The following RASGRP2 variants were observed in gnomAD, a reference collection of about 807,000 sequenced individuals.
RASGRP2 encodes the protein RAS guanyl releasing protein 2, also known as RAS guanyl-releasing protein 2.
A neutral mutation model predicts 71.0 loss-of-function variants in RASGRP2; 44 were observed. That is an observed-to-expected ratio of 0.62 (90% CI 0.49 to 0.80). The LOEUF is 0.80. Among genes scored for constraint, RASGRP2 ranks in the 30% least tolerant of loss-of-function variants. The pLI is 0.00. For missense variants in RASGRP2, 663 were observed against 813.4 expected, an observed-to-expected ratio of 0.82 and a Z score of 2.25; for synonymous variants, 350 against 330.7, an observed-to-expected ratio of 1.06 and a Z score of -0.63.
chr11:64,744,411 C>A (rs550461088), upstream of RASGRP2: 2 of 670,196 alleles, frequency 3.0e-6, no homozygotes, highest in South Asian at 1.3e-4. Context: ...CAGAGCCGTC[C>A]CCGCCTGGCT....
Position 64,739,207 on chromosome 11 carries a change from C to T in RASGRP2, c.813+153G>A, listed in dbSNP as rs1018059368. Among the ~76,000 whole-genome samples, 1 of 152,154 alleles carries T rather than the reference C, an allele frequency of 6.6e-6. No homozygotes were observed. The highest frequency in any genetic ancestry group is 1.9e-4 in the East Asian group (1 of 5,184). ...CCTGTGAGCCCCCACTCTGCTGTTGCCATTGTGCAAACTGAGAAAAGCACT... is the reference window on the plus strand; with the variant it reads ...CCTGTGAGCCCCCACTCTGCTGTTGTCATTGTGCAAACTGAGAAAAGCACT... On this transcript the variant is annotated intron_variant, in intron 8 of 16. Coordinates refer to ENST00000394432, the MANE Select transcript of RASGRP2 (RefSeq NM_001098671.2). The surrounding 1 kb of genome is among the most constrained non-coding windows in gnomAD (Gnocchi z 4.2).
At chr11:64,737,595 C>T (rs1486275729) in intron 8 of RASGRP2, among the ~76,000 whole-genome samples, 3 of 150,340 alleles carry the variant, frequency 2.0e-5, no homozygotes, top group Middle Eastern at 3.2e-3. Flanking sequence ...TCGCTTGAAC[C>T]CGGGAGGCAG....
intron 15 of RASGRP2, among the ~76,000 whole-genome samples, chr11:64,728,490 C>T (rs2057646938): frequency 6.6e-6 from 1 of 151,578 alleles, no homozygotes; most frequent in Non-Finnish European, 1.5e-5. Flanking sequence ...TGCAGTGGCG[C>T]GATCTCGGCT....
intron 5 of RASGRP2, 137 bp from the exon 6 acceptor site, chr11:64,740,300 T>A: frequency 9.7e-7 from 1 of 1,030,596 alleles, no homozygotes; most frequent in Non-Finnish European, 1.5e-6. Context: ...ATGTTCCCAG[T>A]CCCAGCAACT....
Position 64,740,179 on chromosome 11 carries a change from T to C in RASGRP2, c.372-16A>G. On this transcript the variant is annotated splice_polypyrimidine_tract_variant and intron_variant, in intron 5 of 16. Coordinates refer to ENST00000394432, the MANE Select transcript of RASGRP2 (RefSeq NM_001098671.2). ...GTAGGTAGGGCTGGGGGGGCAGGGG[T>C]AGTGAGCCCTTTGCTGGACATGCGC... The C allele has an allele frequency of 6.2e-7, 1 of 1,613,658 alleles. No homozygotes were observed. The highest frequency in any genetic ancestry group is 8.5e-7 in the Non-Finnish European group (1 of 1,179,916).
rs1420944881 is a variant in RASGRP2, at chr11:64,744,009, C to T, written c.-78G>A. 1.8e-5 allele frequency: 18 copies of T among 987,180 alleles called. No individual in the cohort carries two copies. Among genetic ancestry groups the T allele is most frequent in the Non-Finnish European group, 2.0e-5 (17 of 830,446 alleles). The allele number at this position is 987,180 out of a possible 1,614,324, so 61.2% of individuals were successfully genotyped here. A position where few individuals can be genotyped will look rare whatever the true frequency, so the allele number is the denominator to read the frequency against. ...AACCCTCAGGCACACATACCCAGCT[C>T]GTCCACCCCAGAATGCAAACCCGCG... On this transcript the variant is annotated 5_prime_UTR_variant, in exon 1 of 17. Coordinates refer to ENST00000394432, the MANE Select transcript of RASGRP2 (RefSeq NM_001098671.2).
At chr11:64,729,234 C>T (rs2057678633) in intron 14 of RASGRP2, among the ~76,000 whole-genome samples, 192 bp from the exon 15 acceptor site, 1 of 152,192 alleles carries the variant, frequency 6.6e-6, no homozygotes, top group African/African-American at 2.4e-5. Context: ...TTCTCTGTTC[C>T]TGGGCAGCTG....
chr11:64,740,856 C>G (rs1159839553), intron 5 of RASGRP2, 92 bp downstream of exon 5: 1 of 1,517,602 alleles, frequency 6.6e-7, no homozygotes. Flanking sequence ...AGCAACATGA[C>G]CCTCACTCAT....
rs1373833294 is a variant in RASGRP2 at position 64,735,457 on chromosome 11, A to G, written c.1296+85T>C. Reference sequence around the variant, plus strand: ...CTAGGGGCTGAGTGCTGGGTCTTGAACAGGACACTCGTGCTGGCTTCCAGG... The same window carrying G: ...CTAGGGGCTGAGTGCTGGGTCTTGAGCAGGACACTCGTGCTGGCTTCCAGG... On this transcript the variant is annotated intron_variant, in intron 11 of 16. Transcript: ENST00000394432. The surrounding 1 kb of genome is among the most constrained non-coding windows in gnomAD (Gnocchi z 4.2). The G allele has an allele frequency of 6.2e-7, 1 of 1,604,700 alleles. No individual in the cohort carries two copies. The highest frequency in any genetic ancestry group is 8.5e-7 in the Non-Finnish European group (1 of 1,177,328).
chr11:64,743,812 C>T lies in RASGRP2; in HGVS notation c.-72+191G>A, dbSNP rs977100656. On this transcript the variant is annotated intron_variant, in intron 1 of 16. Coordinates refer to ENST00000394432, the MANE Select transcript of RASGRP2 (RefSeq NM_001098671.2). This position sits in a 1 kb window ranked among gnomAD's most constrained non-coding sequence, Gnocchi z 4.9. ...AACTCCGGTCACTGGCGGGGTCATA[C>T]GCACCCTGGCAGGGGCAAACACTCC... 8.0e-6 allele frequency: 2 copies of T among 251,526 alleles called. No individual in the cohort carries two copies. The highest frequency in any genetic ancestry group is 1.5e-5 in the Non-Finnish European group (2 of 135,380). 15.6% of individuals were successfully genotyped at this position (251,526 alleles called of 1,614,324 possible).
chr11:64,744,242 C>T, upstream of RASGRP2: 5 of 985,774 alleles, frequency 5.1e-6, no homozygotes, highest in Non-Finnish European at 6.0e-6. Context: ...CAGGGCCCGC[C>T]CTGCGGCCCC....
Position 64,742,689 on chromosome 11 carries a change from T to A in RASGRP2, c.73+105A>T. On this transcript the variant is annotated intron_variant, in intron 2 of 16. Transcript: ENST00000394432. The surrounding 1 kb of genome is among the most constrained non-coding windows in gnomAD (Gnocchi z 4.7). ...AGAGACTGCACGCTGCGGAGCAGGG[T>A]GGGTCCGGGTCAGGGCTGTGCCCTG... 1 of 1,450,414 alleles carries A rather than the reference T, an allele frequency of 6.9e-7. No homozygotes were observed. Among genetic ancestry groups the A allele is most frequent in the African/African-American group, 1.4e-5 (1 of 71,130 alleles). 89.8% of individuals were successfully genotyped at this position (1,450,414 alleles called of 1,614,324 possible). A position where few individuals can be genotyped will look rare whatever the true frequency, so the allele number is the denominator to read the frequency against.
Position 64,742,696 on chromosome 11 carries a change from G to C in RASGRP2, c.73+98C>G. 1 of 1,496,374 alleles carries C rather than the reference G, an allele frequency of 6.7e-7. No homozygotes were observed. The highest frequency in any genetic ancestry group is 9.1e-7 in the Non-Finnish European group (1 of 1,101,502). 92.7% of individuals were successfully genotyped at this position (1,496,374 alleles called of 1,614,324 possible). A position where few individuals can be genotyped will look rare whatever the true frequency, so the allele number is the denominator to read the frequency against. On this transcript the variant is annotated intron_variant, in intron 2 of 16. Coordinates refer to ENST00000394432, the MANE Select transcript of RASGRP2 (RefSeq NM_001098671.2). The surrounding 1 kb of genome is among the most constrained non-coding windows in gnomAD (Gnocchi z 4.7). Reference sequence around the variant, plus strand: ...GCACGCTGCGGAGCAGGGTGGGTCCGGGTCAGGGCTGTGCCCTGGACTGTG... The same window carrying C: ...GCACGCTGCGGAGCAGGGTGGGTCCCGGTCAGGGCTGTGCCCTGGACTGTG...
In RASGRP2 at chr11:64,736,843, C is replaced by T; in HGVS notation, c.1005G>A (p.Lys335=). ...GCTCCTCCAGGATGCTAAAGAGCTG[C>T]TTCATCTTGGCCCCGTTGAGCCGGG... ...ARTRLNGAKM[K]QLFSILEELA... Residue 335 remains lysine, a synonymous_variant, in exon 9 of 17, where the codon AAG becomes AAA. Transcript: ENST00000394432. 1.2e-6 allele frequency: 2 copies of T among 1,613,414 alleles called. No individual in the cohort carries two copies. Among genetic ancestry groups the T allele is most frequent in the Non-Finnish European group, 8.5e-7 (1 of 1,180,008 alleles).
Position 64,739,930 on chromosome 11 carries a change from A to T in RASGRP2, c.522+83T>A. 6.2e-7 allele frequency: 1 copy of T among 1,609,984 alleles called. No individual in the cohort carries two copies. Among genetic ancestry groups the T allele is most frequent in the South Asian group, 1.1e-5 (1 of 90,790 alleles). ...AAACCCCTGATGCACCCTGTGACCC[A>T]GCCTACGCCAGGGACCCTGCCCCTC... is the stretch of plus-strand genomic sequence containing the variant. On this transcript the variant is annotated intron_variant, in intron 6 of 16. Coordinates refer to ENST00000394432, the MANE Select transcript of RASGRP2 (RefSeq NM_001098671.2). The surrounding 1 kb of genome is among the most constrained non-coding windows in gnomAD (Gnocchi z 4.2).
chr11:64,733,395 A>AAC (rs4014428), intron 12 of RASGRP2, among the ~76,000 whole-genome samples: 5,003 of 124,850 alleles, frequency 0.04, 133 homozygotes, highest in Non-Finnish European at 0.055. Flanking sequence ...CCCCCTCACC[A>AAC]ACACACACAC....
intron 5 of RASGRP2, 114 bp from the exon 6 acceptor site, chr11:64,740,277 G>C (rs778017238): frequency 1.5e-6 from 2 of 1,367,934 alleles, no homozygotes; most frequent in Admixed American, 1.7e-5. Flanking sequence ...GCGAGGCACT[G>C]TCCTAGGCAC....
Position 64,728,846 on chromosome 11 carries a change from G to T in RASGRP2, c.1771+17C>A. 6.3e-7 allele frequency: 1 copy of T among 1,599,362 alleles called. No homozygotes were observed. On this transcript the variant is annotated intron_variant, in intron 15 of 16. Coordinates refer to ENST00000394432, the MANE Select transcript of RASGRP2 (RefSeq NM_001098671.2). Reference sequence around the variant, plus strand: ...ATCCTTCCCTCCACAGGCCAGTACAGAATGACTCCCTCTTACCTGGAGGCC... The same window carrying T: ...ATCCTTCCCTCCACAGGCCAGTACATAATGACTCCCTCTTACCTGGAGGCC...
Position 64,740,974 on chromosome 11 carries a change from G to C in RASGRP2, c.345C>G (p.His115Gln). The change falls in exon 5 of 17, where the codon CAC becomes CAG. Residue 115 changes from histidine (H) to glutamine (Q), a missense_variant. Transcript: ENST00000394432. The part of the protein sequence containing the change: ...ALLDQEGNRR[H>Q]SSLIDIDSVP... ...CGCTGTCTATGTCGATTAGGCTGCTGTGCCGTCGGTTCCCTTCTTGGTCTA... is the reference window on the plus strand; with the variant it reads ...CGCTGTCTATGTCGATTAGGCTGCTCTGCCGTCGGTTCCCTTCTTGGTCTA... The C allele has an allele frequency of 1.2e-6, 2 of 1,613,900 alleles. No homozygotes were observed. Among genetic ancestry groups the C allele is most frequent in the Non-Finnish European group, 1.7e-6 (2 of 1,179,978 alleles).
Sources: allele counts gnomAD v4.1 joint callset (sites outside exome capture counted in the v4.1 genomes callset), GRCh38; gene constraint gnomAD v4.1.1; non-coding constraint Gnocchi (gnomAD v3.1); transcripts MANE v1.5; gene names NCBI Gene and HGNC (gene_info 2026-07-23, HGNC 2026-07-21).